The following TAB1 variants were observed in gnomAD, a reference collection of about 807,000 sequenced individuals.
The protein encoded by TAB1 is TGF-beta activated kinase 1 (MAP3K7) binding protein 1.
A neutral mutation model predicts 54.5 loss-of-function variants in TAB1; 30 were observed. The observed-to-expected ratio is 0.55, with a 90% CI of 0.41 to 0.75. The LOEUF (loss-of-function observed/expected upper bound fraction) is 0.75. Among genes scored for constraint, TAB1 ranks in the 30% least tolerant of loss-of-function variants. The pLI is 0.00. For missense variants in TAB1, 609 were observed against 683.2 expected (o/e 0.89, Z 1.21); for synonymous variants, 289 against 286.9 (o/e 1.01, Z -0.07).
chr22:39,434,451 T>C (rs1219635443), downstream of TAB1, among the ~76,000 whole-genome samples: 1 of 152,256 alleles, frequency 6.6e-6, no homozygotes, highest in African/African-American at 2.4e-5. Flanking sequence ...CAAGGGCATC[T>C]TTCATGAGTC....
In TAB1 at chr22:39,426,799, G is replaced by T; in HGVS notation, c.1018G>T (p.Asp340Tyr). The T allele has an allele frequency of 1.2e-6, 2 of 1,614,036 alleles. No homozygotes were observed. The highest frequency in any genetic ancestry group is 1.7e-6 in the Non-Finnish European group (2 of 1,180,050). The part of the protein sequence containing the change: ...VVDRVKRIHS[D>Y]TFASGGERAR... ...GGACCGGGTGAAGCGCATCCACAGCGACACCTTCGCCAGTGGTGGGGAGCG... is the reference window on the plus strand; with the variant it reads ...GGACCGGGTGAAGCGCATCCACAGCTACACCTTCGCCAGTGGTGGGGAGCG... The change falls in exon 9 of 11, where the codon GAC (aspartate) becomes TAC (tyrosine). Residue 340 changes from aspartate to tyrosine, a missense_variant. Coordinates refer to ENST00000216160, the MANE Select transcript of TAB1 (RefSeq NM_006116.3).
intron 5 of TAB1, among the ~76,000 whole-genome samples, chr22:39,418,456 A>T (rs1385609039): frequency 6.6e-6 from 1 of 152,188 alleles, no homozygotes; most frequent in African/African-American, 2.4e-5. Flanking sequence ...CAGACACTGT[A>T]TCATGTTATC....
chr22:39,412,059 A>G (rs752547698), intron 1 of TAB1, among the ~76,000 whole-genome samples: 1 of 151,560 alleles, frequency 6.6e-6, no homozygotes, highest in East Asian at 1.9e-4. Context: ...TTGTTTGGAG[A>G]CAGAGTCTCA....
intron 7 of TAB1, 92 bp from the exon 8 acceptor site, chr22:39,421,735 C>A: frequency 7.4e-7 from 1 of 1,360,332 alleles, no homozygotes; most frequent in Non-Finnish European, 1.0e-6. Flanking sequence ...TTTTATTTTA[C>A]ATTCTGGGCA....
chr22:39,417,273 G>C (rs1926873777), intron 4 of TAB1, among the ~76,000 whole-genome samples: 1 of 152,202 alleles, frequency 6.6e-6, no homozygotes, highest in African/African-American at 2.4e-5. Flanking sequence ...CATCTTGGCT[G>C]TGCCATGGAC....
intron 3 of TAB1, among the ~76,000 whole-genome samples, chr22:39,416,073 A>G (rs184964785): frequency 6.8e-4 from 104 of 152,240 alleles, no homozygotes; most frequent in Non-Finnish European, 1.3e-4. Flanking sequence ...CGCCGCCCTC[A>G]TTGACTGGTT....
At chr22:39,434,786 G>C (rs943110302), downstream of TAB1, among the ~76,000 whole-genome samples, 1 of 152,250 alleles carries the variant, frequency 6.6e-6, no homozygotes, top group Non-Finnish European at 1.5e-5. Flanking sequence ...TCACAGAGGG[G>C]CCAGGGCAGG....
chr22:39,403,732 A>G (rs913228834), intron 1 of TAB1, among the ~76,000 whole-genome samples: 2 of 145,808 alleles, frequency 1.4e-5, no homozygotes, highest in Non-Finnish European at 3.0e-5. Flanking sequence ...TCCGCCTCCC[A>G]GGTTCACGCC....
intron 7 of TAB1, 127 bp from the exon 8 acceptor site, chr22:39,421,700 T>C (rs1347787794): frequency 9.8e-7 from 1 of 1,022,620 alleles, no homozygotes; most frequent in Non-Finnish European, 1.4e-6. Context: ...TTCTCTCTTT[T>C]CTTTTCCTCT....
intron 1 of TAB1, among the ~76,000 whole-genome samples, chr22:39,408,049 G>A (rs1481401762): frequency 6.6e-6 from 1 of 152,168 alleles, no homozygotes; most frequent in Non-Finnish European, 1.5e-5. Context: ...TACCAAGAAT[G>A]GACCAAGACT....
At chr22:39,406,694 G>A (rs541796688) in intron 1 of TAB1, among the ~76,000 whole-genome samples, 7 of 151,838 alleles carry the variant, frequency 4.6e-5, no homozygotes, top group African/African-American at 1.2e-4. Flanking sequence ...GTGCAGTGGC[G>A]CCATCTCGGC....
intron 1 of TAB1, among the ~76,000 whole-genome samples, chr22:39,400,831 C>T (rs978029471): frequency 5.9e-5 from 9 of 151,912 alleles, no homozygotes; most frequent in Admixed American, 1.3e-4. Context: ...GTCAGGAGAT[C>T]AAGACCATCC....
intron 4 of TAB1, among the ~76,000 whole-genome samples, chr22:39,417,376 C>T (rs1349983828): frequency 2.0e-5 from 3 of 152,084 alleles, no homozygotes; most frequent in East Asian, 1.9e-4. Context: ...ATCCCAGCAC[C>T]TTGGGAGGCC....
chr22:39,434,286 G>A (rs1305367217), downstream of TAB1, among the ~76,000 whole-genome samples: 1 of 152,244 alleles, frequency 6.6e-6, no homozygotes, highest in East Asian at 1.9e-4. Context: ...TGTGCCATGA[G>A]GGCTCAGCCT....
Position 39,430,280 on chromosome 22 carries a change from C to T in TAB1, c.*58C>T. On this transcript the variant is annotated 3_prime_UTR_variant, in exon 11 of 11. Transcript: ENST00000216160. ...GGCATGGGGCAGGACAGGGTCCAGC[C>T]TTTTCCTAACATCTGCCTGTGCCAC... 6.3e-7 allele frequency: 1 copy of T among 1,594,124 alleles called. No homozygotes were observed. Among genetic ancestry groups the T allele is most frequent in the South Asian group, 1.1e-5 (1 of 90,716 alleles).
At position 39,416,793 on chromosome 22, in the gene TAB1, C is replaced by G; in HGVS notation, c.327C>G (p.Ala109=). 1 of 1,614,222 alleles carries G rather than the reference C, an allele frequency of 6.2e-7. No homozygotes were observed. The highest frequency in any genetic ancestry group is 8.5e-7 in the Non-Finnish European group (1 of 1,180,038). Residue 109 remains alanine (A), a splice_region_variant and synonymous_variant, in exon 4 of 11, where the codon GCC becomes GCG. Coordinates refer to ENST00000216160, the MANE Select transcript of TAB1 (RefSeq NM_006116.3). ...EADVRRVLLQ[A]FDVVERSFLE... The stretch of plus-strand genomic sequence containing the variant: ...TGCCCTGTCCTGTGTCCCCCTAGGC[C>G]TTCGATGTGGTGGAGAGGAGCTTCC...
chr22:39,422,241 C>T (rs549096751), intron 8 of TAB1, among the ~76,000 whole-genome samples: 2 of 152,138 alleles, frequency 1.3e-5, no homozygotes, highest in South Asian at 2.1e-4. Flanking sequence ...GCTATGGGCA[C>T]GGCATTACTC....
chr22:39,419,151 A>G (rs1330915938), intron 6 of TAB1, among the ~76,000 whole-genome samples: 1 of 152,194 alleles, frequency 6.6e-6, no homozygotes, highest in Non-Finnish European at 1.5e-5. Context: ...ACTTACTGTT[A>G]TTGGTGGAGA....
At chr22:39,422,777 G>A (rs1170858683) in intron 8 of TAB1, among the ~76,000 whole-genome samples, 6 of 152,082 alleles carry the variant, frequency 3.9e-5, no homozygotes, top group Admixed American at 2.0e-4. Flanking sequence ...GTAGACACAG[G>A]CCCTCAGCCA....
Sources: allele counts gnomAD v4.1 joint callset (sites outside exome capture counted in the v4.1 genomes callset), GRCh38; gene constraint gnomAD v4.1.1; transcripts MANE v1.5; gene names NCBI Gene and HGNC (gene_info 2026-07-23, HGNC 2026-07-21).